Variants in EDARADD observed in about 807,000 individuals in gnomAD.
EDARADD encodes ectodysplasin-A receptor-associated adapter protein.
EDARADD carries 20 observed loss-of-function variants against 25.6 expected under a neutral mutation model. The observed-to-expected ratio is 0.78, with a 90% CI of 0.55 to 1.14. The LOEUF (loss-of-function observed/expected upper bound fraction) is 1.14. Ranked by LOEUF, EDARADD falls within the 50% of genes most tolerant of loss-of-function variation. EDARADD has a pLI of 0.00. For missense variants in EDARADD, 225 were observed against 270.1 expected, an observed-to-expected ratio of 0.83 and a Z score of 1.17; for synonymous variants, 86 against 94.4, an observed-to-expected ratio of 0.91 and a Z score of 0.52.
At position 236,424,154 on chromosome 1, in the gene EDARADD, C is replaced by CTTTTTTTTT. The variant is rs34454343; in HGVS notation, c.161-3222_161-3214dup. On this transcript the variant is annotated intron_variant, in intron 3 of 5. Transcript: ENST00000334232. ...ATTGTAGTAATCCACTGTGAAGCAT[C>CTTTTTTTTT]TTTTTTTTTTTTTTTTTTTTTTTTG... Among the ~76,000 whole-genome samples the CTTTTTTTTT allele has an allele frequency of 6.7e-5, 5 of 74,400 alleles. 1 individual carries two copies. The highest frequency in any genetic ancestry group is 1.0e-4 in the African/African-American group (2 of 20,096). 48.8% of individuals were successfully genotyped at this position (74,400 alleles called of 152,430 possible).
Position 236,395,805 on chromosome 1 carries a change from G to T in EDARADD, c.61+1300G>T, listed in dbSNP as rs1221741211. The stretch of plus-strand genomic sequence containing the variant: ...CCCGGGAACCACCCCCGACCCAGGC[G>T]CCAGACCCGGAGTCGCACGGGGCTC... On this transcript the variant is annotated intron_variant, in intron 1 of 5. Coordinates refer to ENST00000334232, the MANE Select transcript of EDARADD (RefSeq NM_145861.4). The surrounding 1 kb of genome is among the most constrained non-coding windows in gnomAD (Gnocchi z 6.9). 1.4e-6 allele frequency: 1 copy of T among 717,200 alleles called. No individual in the cohort carries two copies. Among genetic ancestry groups the T allele is most frequent in the Non-Finnish European group, 2.1e-6 (1 of 483,664 alleles). 44.4% of individuals were successfully genotyped at this position (717,200 alleles called of 1,614,324 possible). A position where few individuals can be genotyped will look rare whatever the true frequency, so the allele number is the denominator to read the frequency against.
intron 4 of EDARADD, among the ~76,000 whole-genome samples, chr1:236,464,718 C>T (rs570566696): frequency 6.6e-6 from 1 of 152,108 alleles, no homozygotes; most frequent in African/African-American, 2.4e-5. Flanking sequence ...CAGGCATGAG[C>T]CACCGTGCCT....
At chr1:236,374,466 G>T (rs909599333) in intron 3 of EDARADD, among the ~76,000 whole-genome samples, 3 of 151,886 alleles carry the variant, frequency 2.0e-5, no homozygotes, top group Non-Finnish European at 4.4e-5. Context: ...ACAAAGTCTT[G>T]CCACGTTGCC....
rs1667555299 is a variant in EDARADD at position 236,398,243 on chromosome 1, G to A, written c.61+3738G>A. On this transcript the variant is annotated intron_variant, in intron 1 of 5. Transcript: ENST00000334232. The surrounding 1 kb of genome is among the most constrained non-coding windows in gnomAD (Gnocchi z 4.1). ...GGGTTCAAGAGATTCTCCTGTCTCA[G>A]CCTCCCAAGTAACTGGTATTACAGG... 6.6e-6 allele frequency among the ~76,000 whole-genome samples: 1 copy of A among 152,076 alleles called. No individual in the cohort carries two copies. The highest frequency in any genetic ancestry group is 2.4e-5 in the African/African-American group (1 of 41,402).
chr1:236,361,650 T>TATATATATATATATATATATATA (rs1553262114), intron 3 of EDARADD, among the ~76,000 whole-genome samples: 9 of 149,030 alleles, frequency 6.0e-5, no homozygotes, highest in African/African-American at 1.3e-4. Context: ...TATATATATA[T>TATATATATATATATATATATATA]TCCTTCATAC....
intron 4 of EDARADD, among the ~76,000 whole-genome samples, chr1:236,435,515 A>G (rs917217610): frequency 6.6e-6 from 1 of 152,226 alleles, no homozygotes; most frequent in Non-Finnish European, 1.5e-5. Context: ...CATGTCGAGG[A>G]AGGAATGGTC....
At chr1:236,473,764 G>T (rs1262032698) in intron 5 of EDARADD, among the ~76,000 whole-genome samples, 5 of 152,074 alleles carry the variant, frequency 3.3e-5, no homozygotes, top group Non-Finnish European at 7.4e-5. Flanking sequence ...TAGCCTGGGT[G>T]ACAGAGTGAG....
At chr1:236,475,574 C>T (rs1659479273) in intron 5 of EDARADD, among the ~76,000 whole-genome samples, 1 of 151,964 alleles carries the variant, frequency 6.6e-6, no homozygotes, top group South Asian at 2.1e-4. Context: ...ATCAGCCTGG[C>T]CAACATGGTG....
chr1:236,430,384 A>C, intron 4 of EDARADD, among the ~76,000 whole-genome samples: 1 of 152,230 alleles, frequency 6.6e-6, no homozygotes, highest in East Asian at 1.9e-4. Flanking sequence ...TGAAGATAAA[A>C]GAATGCTAAG....
chr1:236,428,701 G>C (rs1393725086), intron 4 of EDARADD, among the ~76,000 whole-genome samples: 1 of 132,648 alleles, frequency 7.5e-6, no homozygotes, highest in Non-Finnish European at 1.7e-5. Flanking sequence ...CTGGGCTGCC[G>C]GGCAGAGACG....
At chr1:236,410,424 T>C (rs1657435845) in intron 2 of EDARADD, among the ~76,000 whole-genome samples, 1 of 152,102 alleles carries the variant, frequency 6.6e-6, no homozygotes, top group Non-Finnish European at 1.5e-5. Context: ...AAGGAGAGAA[T>C]TGTGTTCTTT....
At chr1:236,360,207 A>T (rs959114290) in intron 3 of EDARADD, among the ~76,000 whole-genome samples, 2 of 152,106 alleles carry the variant, frequency 1.3e-5, no homozygotes, top group African/African-American at 4.8e-5. Context: ...CTGTAGTTCC[A>T]GGTACTTGGG....
At chr1:236,468,054 T>A (rs187389302) in intron 4 of EDARADD, among the ~76,000 whole-genome samples, 177 bp from the exon 5 acceptor site, 1 of 152,278 alleles carries the variant, frequency 6.6e-6, no homozygotes, top group Admixed American at 6.5e-5. Flanking sequence ...AAGGTGCTCG[T>A]ATTCTAGAGG....
At chr1:236,408,450 C>T (rs2483074) in intron 1 of EDARADD, among the ~76,000 whole-genome samples, 75,844 of 151,932 alleles carry the variant, frequency 0.5, 19,738 homozygotes, top group Non-Finnish European at 0.58. Flanking sequence ...GTGATCTGCC[C>T]GGCTTGGCCT....
intron 3 of EDARADD, among the ~76,000 whole-genome samples, chr1:236,423,052 C>T (rs1388504874): frequency 6.6e-6 from 1 of 152,124 alleles, no homozygotes; most frequent in Non-Finnish European, 1.5e-5. Flanking sequence ...TTTCAGCTAT[C>T]GTGGGTGGTC....
intron 4 of EDARADD, among the ~76,000 whole-genome samples, chr1:236,453,493 G>T (rs1405381165): frequency 2.0e-5 from 3 of 152,040 alleles, no homozygotes; most frequent in Non-Finnish European, 4.4e-5. Context: ...GGCTGGGTTG[G>T]TCTCTAACTC....
At chr1:236,406,665 CTG>C (rs1667745615) in intron 1 of EDARADD, among the ~76,000 whole-genome samples, 2 of 152,320 alleles carry the variant, frequency 1.3e-5, no homozygotes, top group African/African-American at 4.8e-5. Flanking sequence ...TGTCCTGTGA[CTG>C]TACGTTAATG....
intron 4 of EDARADD, among the ~76,000 whole-genome samples, chr1:236,466,835 A>G (rs917039592): frequency 2.6e-5 from 4 of 152,266 alleles, no homozygotes; most frequent in South Asian, 2.1e-4. Context: ...TTGGGAGGCC[A>G]AGGTGGGCGG....
At chr1:236,466,389 C>G (rs1320606162) in intron 4 of EDARADD, among the ~76,000 whole-genome samples, 1 of 151,960 alleles carries the variant, frequency 6.6e-6, no homozygotes, top group Non-Finnish European at 1.5e-5. Flanking sequence ...CTCTTTCTGT[C>G]TCTGTCCTTC....
Sources: allele counts gnomAD v4.1 joint callset (sites outside exome capture counted in the v4.1 genomes callset), GRCh38; gene constraint gnomAD v4.1.1; non-coding constraint Gnocchi (gnomAD v3.1); transcripts MANE v1.5; gene names NCBI Gene and HGNC (gene_info 2026-07-23, HGNC 2026-07-21).